FARSA: variants seen among roughly 807,000 people sequenced by gnomAD.
FARSA encodes the protein phenylalanyl-tRNA synthetase subunit alpha.
FARSA carries 37 observed loss-of-function variants against 63.2 expected under a neutral mutation model. The ratio of observed to expected loss-of-function variants is 0.59; its 90% confidence interval spans 0.45 to 0.77. The LOEUF (loss-of-function observed/expected upper bound fraction) is 0.77. FARSA is among the 30% of genes least tolerant of loss of function. The pLI is 0.00. For missense variants in FARSA, 618 were observed against 696.6 expected (o/e 0.89, Z 1.27); for synonymous variants, 312 against 285.1 (o/e 1.09, Z -0.95).
chr19:12,930,809 C>A lies in FARSA; in HGVS notation c.148-60G>T, dbSNP rs548415911. On this transcript the variant is annotated intron_variant, in intron 1 of 12. Coordinates refer to ENST00000314606, the MANE Select transcript of FARSA (RefSeq NM_004461.3). ...GGTGAGGCTCAGAGCCAGGCACCCC[C>A]TTTCTGCAGCGCTGGGTCCCAGGTT... The A allele has an allele frequency of 1.9e-5, 30 of 1,585,696 alleles. No individual in the cohort carries two copies. In the East Asian group the frequency reaches 2.0e-4, roughly 11 times the overall value.
At chr19:12,925,711 T>C (rs1971318665) in intron 7 of FARSA, among the ~76,000 whole-genome samples, 1 of 151,472 alleles carries the variant, frequency 6.6e-6, no homozygotes, top group Non-Finnish European at 1.5e-5. Flanking sequence ...TCTTGCTCTG[T>C]TGCCCAGGCT....
At chr19:12,933,456 G>A in intron 1 of FARSA, 94 bp downstream of exon 1, 3 of 1,437,178 alleles carry the variant, frequency 2.1e-6, no homozygotes, top group Non-Finnish European at 1.9e-6. Context: ...CCCCAAACTA[G>A]GCCTGAGGGA....
chr19:12,925,514 C>T (rs1401433321), intron 7 of FARSA, among the ~76,000 whole-genome samples: 1 of 151,518 alleles, frequency 6.6e-6, no homozygotes, highest in African/African-American at 2.4e-5. Context: ...CCTGCCACCA[C>T]ACCCGGGAAA....
chr19:12,925,973 TTTTC>T (rs1235584678), intron 7 of FARSA, among the ~76,000 whole-genome samples: 1 of 150,130 alleles, frequency 6.7e-6, no homozygotes, highest in Non-Finnish European at 1.5e-5. Context: ...CCTTTTTATT[TTTTC>T]TTTTTTTTTG....
At chr19:12,926,374 C>T (rs1274498671) in intron 7 of FARSA, among the ~76,000 whole-genome samples, 1 of 151,202 alleles carries the variant, frequency 6.6e-6, no homozygotes, top group East Asian at 1.9e-4. Context: ...AGGGTTCACA[C>T]CATTCTCCTG....
Position 12,924,053 on chromosome 19 carries a change from G to T in FARSA, c.1388+98C>A. ...ACTCACGATGAAAGTTTTGTCCATT[G>T]GATGAATGAATGGGTGGTGCTGAAA... On this transcript the variant is annotated intron_variant, in intron 12 of 12. Coordinates refer to ENST00000314606, the MANE Select transcript of FARSA (RefSeq NM_004461.3). The surrounding 1 kb of genome is among the most constrained non-coding windows in gnomAD (Gnocchi z 6.4). 1.1e-6 allele frequency: 1 copy of T among 892,142 alleles called. No homozygotes were observed. Among genetic ancestry groups the T allele is most frequent in the Non-Finnish European group, 1.9e-6 (1 of 534,222 alleles). 55.3% of individuals were successfully genotyped at this position (892,142 alleles called of 1,614,324 possible).
At chr19:12,923,928 C>A (rs1211657173) in intron 12 of FARSA, among the ~76,000 whole-genome samples, 3 of 152,236 alleles carry the variant, frequency 2.0e-5, no homozygotes. Flanking sequence ...ACTTGTTGGT[C>A]TTGCTAGTTA....
intron 12 of FARSA, among the ~76,000 whole-genome samples, chr19:12,923,502 T>C (rs929261235): frequency 1.3e-5 from 2 of 151,862 alleles, no homozygotes; most frequent in African/African-American, 4.8e-5. Context: ...GGAGACAGAG[T>C]CACACTCTGT....
intron 1 of FARSA, among the ~76,000 whole-genome samples, chr19:12,932,544 G>A (rs771517833): frequency 2.0e-4 from 30 of 152,128 alleles, no homozygotes; most frequent in Non-Finnish European, 3.2e-4. Context: ...TGGGCTCATC[G>A]GCCTCTTCTA....
chr19:12,928,709 C>T lies in FARSA; in HGVS notation c.596+46G>A, dbSNP rs768454528. On this transcript the variant is annotated intron_variant, in intron 5 of 12. Coordinates refer to ENST00000314606, the MANE Select transcript of FARSA (RefSeq NM_004461.3). ...CTGGTAAGGGCTGCCCGCCCCTGCC[C>T]CCTGCCCCAGCTCCCACCTGCCCTG... 5 of 1,613,992 alleles carry T rather than the reference C, an allele frequency of 3.1e-6. No individual in the cohort carries two copies. The East Asian group carries it at 1.1e-4, about 36-fold the overall frequency.
intron 12 of FARSA, among the ~76,000 whole-genome samples, chr19:12,923,109 T>C (rs952106259): frequency 6.6e-6 from 1 of 152,126 alleles, no homozygotes; most frequent in Non-Finnish European, 1.5e-5. Flanking sequence ...TCTGGGCCTT[T>C]GAACTGACTG....
chr19:12,923,012 G>A (rs951475008), intron 12 of FARSA, 126 bp from the exon 13 acceptor site: 76 of 1,247,796 alleles, frequency 6.1e-5, no homozygotes, highest in East Asian at 3.7e-4. Context: ...AGGGCCCTGC[G>A]CCAACTGCTC....
chr19:12,923,846 A>G (rs527909437), intron 12 of FARSA, among the ~76,000 whole-genome samples: 2 of 152,324 alleles, frequency 1.3e-5, no homozygotes, highest in South Asian at 2.1e-4. Flanking sequence ...CTCCTGGCTC[A>G]GGCGATCCTC....
chr19:12,933,264 T>G (rs1971415162), intron 1 of FARSA: 1 of 437,716 alleles, frequency 2.3e-6, no homozygotes. Context: ...TGAAGCACCT[T>G]CCTATTACGT....
chr19:12,930,778 G>A, intron 1 of FARSA, 29 bp from the exon 2 acceptor site: 1 of 1,601,626 alleles, frequency 6.2e-7, no homozygotes, highest in Non-Finnish European at 8.5e-7. Context: ...AGGGTGTCCA[G>A]GCAGGGGTGA....
At chr19:12,928,293 G>T in intron 7 of FARSA, 49 bp downstream of exon 7, 2 of 1,466,136 alleles carry the variant, frequency 1.4e-6, no homozygotes, top group Non-Finnish European at 9.5e-7. Context: ...AGGCTCCGCC[G>T]TGGCCTGGTG....
intron 4 of FARSA, 87 bp downstream of exon 4, chr19:12,930,136 G>T: frequency 2.9e-6 from 3 of 1,048,168 alleles, no homozygotes; most frequent in Non-Finnish European, 4.4e-6. Flanking sequence ...CCTGTGCTTG[G>T]TGTGGGCAAG....
rs560607727 is a variant in FARSA, at chr19:12,930,559, C to T, written c.286-32G>A. 12 of 1,609,328 alleles carry T rather than the reference C, an allele frequency of 7.5e-6. No homozygotes were observed. The South Asian group carries it at 8.9e-5, about 12-fold the overall frequency. ...AAGAGAGGCTGCAGTGAGTGGGGCA[C>T]GAGGGCCACCTTCATCCCATCACTC... On this transcript the variant is annotated intron_variant, in intron 2 of 12. Transcript: ENST00000314606.
chr19:12,933,571 C>T lies in FARSA; in HGVS notation c.126G>A (p.Lys42=), dbSNP rs1971418824. The change falls in exon 1 of 13, where the codon AAG becomes AAA. Residue 42 remains lysine (K), a synonymous_variant. Coordinates refer to ENST00000314606, the MANE Select transcript of FARSA (RefSeq NM_004461.3). ...TCACCTCGCCCAGCGCCTGAAGGCT[C>T]TTCACGGCGCCCACCACCGCCTGGT... ...MEHQAVVGAV[K]SLQALGEVIE... 1 of 1,546,838 alleles carries T rather than the reference C, an allele frequency of 6.5e-7. No individual in the cohort carries two copies. The highest frequency in any genetic ancestry group is 1.9e-5 in the Admixed American group (1 of 52,332).
Sources: allele counts gnomAD v4.1 joint callset (sites outside exome capture counted in the v4.1 genomes callset), GRCh38; gene constraint gnomAD v4.1.1; non-coding constraint Gnocchi (gnomAD v3.1); transcripts MANE v1.5; gene names NCBI Gene and HGNC (gene_info 2026-07-23, HGNC 2026-07-21).